The following BET1 variants were observed in gnomAD, a reference collection of about 807,000 sequenced individuals.
BET1 encodes the protein Bet1 golgi vesicular membrane trafficking protein.
BET1 carries 9 observed loss-of-function variants against 13.9 expected under a neutral mutation model. That is an observed-to-expected ratio of 0.65 (90% CI 0.39 to 1.13). The LOEUF is 1.13. BET1 is among the 50% of genes most tolerant of loss of function. BET1 has a pLI of 0.01. For synonymous variants in BET1, 39 were observed against 47.3 expected (o/e 0.82, Z 0.72); for missense variants, 127 against 133.6 (o/e 0.95, Z 0.24).
intron 6 of BET1, among the ~76,000 whole-genome samples, chr7:93,967,360 C>T (rs994292901): frequency 6.6e-6 from 1 of 151,738 alleles, no homozygotes; most frequent in African/African-American, 2.4e-5. Context: ...AATCCTCATA[C>T]TACAAGAGTA....
intron 6 of BET1, among the ~76,000 whole-genome samples, chr7:93,968,855 T>A (rs573614700): frequency 6.6e-6 from 1 of 151,798 alleles, no homozygotes; most frequent in African/African-American, 2.4e-5. Context: ...GAGTACAATA[T>A]AGACAAATGT....
chr7:93,993,523 T>TA lies in BET1; in HGVS notation c.*706dup. On this transcript the variant is annotated 3_prime_UTR_variant, in exon 4 of 4. Coordinates refer to ENST00000222547, the MANE Select transcript of BET1 (RefSeq NM_005868.6). Reference sequence around the variant, plus strand: ...AATGATAAATGTGCTACCTATGTAGTAAAAATCATAAAACTATTATAAGCC... The same window carrying TA: ...AATGATAAATGTGCTACCTATGTAGTAAAAAATCATAAAACTATTATAAGCC... 1.0e-6 allele frequency: 1 copy of TA among 997,562 alleles called. No individual in the cohort carries two copies. The highest frequency in any genetic ancestry group is 4.6e-5 in the South Asian group (1 of 21,532). 61.8% of individuals were successfully genotyped at this position (997,562 alleles called of 1,614,324 possible). A position where few individuals can be genotyped will look rare whatever the true frequency, so the allele number is the denominator to read the frequency against.
intron 1 of BET1, 53 bp from the exon 2 acceptor site, chr7:93,999,347 C>A: frequency 6.4e-7 from 1 of 1,552,660 alleles, no homozygotes. Flanking sequence ...TTTTGAAACA[C>A]TGTTAGTTAG....
chr7:93,996,396 T>C, intron 2 of BET1, 75 bp from the exon 3 acceptor site: 1 of 1,069,262 alleles, frequency 9.4e-7, no homozygotes, highest in Non-Finnish European at 1.3e-6. Context: ...ATAATGTCAT[T>C]CTAAGCATAC....
Position 93,993,693 on chromosome 7 carries a change from C to G in BET1, c.*537G>C. On this transcript the variant is annotated 3_prime_UTR_variant, in exon 4 of 4. Transcript: ENST00000222547. ...GCAGAAAGAAATGAGGGGTCATTAT[C>G]ATCAAAAATTATTAGGAAGATTGTA... 7.4e-7 allele frequency: 1 copy of G among 1,345,740 alleles called. No homozygotes were observed. The highest frequency in any genetic ancestry group is 2.8e-5 in the East Asian group (1 of 35,546). The allele number at this position is 1,345,740 out of a possible 1,614,324, so 83.4% of individuals were successfully genotyped here.
chr7:93,993,735 C>A lies in BET1; in HGVS notation c.*495G>T. Reference sequence around the variant, plus strand: ...AAGATTGTAGGTAAAAAGAAATCAGCCTACAATTTTAACTAAATAAAGGAG... The same window carrying A: ...AAGATTGTAGGTAAAAAGAAATCAGACTACAATTTTAACTAAATAAAGGAG... On this transcript the variant is annotated 3_prime_UTR_variant, in exon 4 of 4. Coordinates refer to ENST00000222547, the MANE Select transcript of BET1 (RefSeq NM_005868.6). 7.4e-7 allele frequency: 1 copy of A among 1,344,550 alleles called. No individual in the cohort carries two copies. Among genetic ancestry groups the A allele is most frequent in the Non-Finnish European group, 9.5e-7 (1 of 1,054,148 alleles). 83.3% of individuals were successfully genotyped at this position (1,344,550 alleles called of 1,614,324 possible).
chr7:93,999,419 C>T, intron 1 of BET1, 125 bp from the exon 2 acceptor site: 1 of 1,180,250 alleles, frequency 8.5e-7, no homozygotes, highest in East Asian at 2.6e-5. Context: ...AATATTCATA[C>T]TCCAAATGAA....
At chr7:93,991,913 GA>G (rs1030073881), downstream of BET1, 1 of 979,314 alleles carries the variant, frequency 1.0e-6, no homozygotes, top group Non-Finnish European at 1.2e-6. Flanking sequence ...TATCTAACTT[GA>G]AATTTAGGAG....
At chr7:93,980,854 A>G (rs1269549535) in intron 4 of BET1, among the ~76,000 whole-genome samples, 3 of 152,178 alleles carry the variant, frequency 2.0e-5, no homozygotes, top group Non-Finnish European at 4.4e-5. Flanking sequence ...GTGATCTTAT[A>G]TATGTTGGAG....
chr7:93,963,480 T>C (rs1795129844), exon 7 of BET1: 1 of 152,076 alleles, frequency 6.6e-6, no homozygotes, highest in African/African-American at 2.4e-5. Context: ...TATTTGTCCA[T>C]TTTTTGTTCT....
chr7:93,984,233 G>A (rs948234580), intron 4 of BET1, among the ~76,000 whole-genome samples: 1 of 152,066 alleles, frequency 6.6e-6, no homozygotes, highest in East Asian at 1.9e-4. Context: ...CCCATCAAAT[G>A]TCCTTCCTCT....
intron 3 of BET1, among the ~76,000 whole-genome samples, chr7:93,995,340 T>G (rs1320151134): frequency 2.0e-5 from 3 of 152,192 alleles, no homozygotes; most frequent in Admixed American, 6.5e-5. Flanking sequence ...CTAGAAATAT[T>G]ACACATACTT....
chr7:93,973,094 A>G (rs777880525), intron 5 of BET1, among the ~76,000 whole-genome samples: 4 of 151,902 alleles, frequency 2.6e-5, no homozygotes, highest in Non-Finnish European at 5.9e-5. Context: ...TTCATTTAAG[A>G]TCAATGAATT....
chr7:93,965,521 C>G (rs1036703336), exon 7 of BET1: 3 of 151,898 alleles, frequency 2.0e-5, no homozygotes, highest in African/African-American at 7.3e-5. Flanking sequence ...AGTATAATAT[C>G]ATTGACAGGT....
intron 4 of BET1, among the ~76,000 whole-genome samples, chr7:93,986,768 A>T (rs1795534721): frequency 6.6e-6 from 1 of 152,202 alleles, no homozygotes; most frequent in Non-Finnish European, 1.5e-5. Flanking sequence ...GTGATGTTGT[A>T]GCCATTGTAA....
chr7:93,985,112 C>G (rs998704831), intron 4 of BET1, among the ~76,000 whole-genome samples: 4 of 152,188 alleles, frequency 2.6e-5, no homozygotes, highest in Admixed American at 1.3e-4. Context: ...CCCTCCCCCA[C>G]ACTGTCTCTG....
downstream of BET1, chr7:93,992,616 A>T (rs1007629590): frequency 1.0e-6 from 1 of 985,134 alleles, no homozygotes; most frequent in Non-Finnish European, 1.2e-6. Flanking sequence ...ACCTACTTGG[A>T]GGTATTTCAT....
At chr7:93,997,991 G>A (rs1217854248) in intron 2 of BET1, among the ~76,000 whole-genome samples, 1 of 152,142 alleles carries the variant, frequency 6.6e-6, no homozygotes, top group Non-Finnish European at 1.5e-5. Context: ...TTTGGAGGGA[G>A]GGGGTGCAAT....
chr7:93,997,761 G>T (rs1045906973), intron 2 of BET1, among the ~76,000 whole-genome samples: 4 of 152,014 alleles, frequency 2.6e-5, no homozygotes, highest in Non-Finnish European at 5.9e-5. Flanking sequence ...TAATTCTTTG[G>T]TTCAATACAA....
Sources: gnomAD v4.1 joint callset for allele counts (sites outside exome capture counted in the v4.1 genomes callset) on GRCh38, gnomAD v4.1.1 for gene constraint, MANE v1.5 for transcripts, NCBI Gene and HGNC (gene_info 2026-07-23, HGNC 2026-07-21) for gene names.